SYT14: variants seen among roughly 807,000 people sequenced by gnomAD.
The protein encoded by SYT14 is synaptotagmin-14.
In SYT14, 32 loss-of-function variants were observed where a neutral mutation model predicts 74.2. That is an observed-to-expected ratio of 0.43 (90% CI 0.33 to 0.58). The LOEUF (loss-of-function observed/expected upper bound fraction) is 0.58, where lower values mean the gene tolerates loss of function less well. Among genes scored for constraint, SYT14 ranks in the 20% least tolerant of loss-of-function variants. The probability of loss-of-function intolerance (pLI) is 0.05; values close to 1 mark genes in which losing one functional copy is unlikely to be tolerated. For missense variants in SYT14, 791 were observed against 981.8 expected (o/e 0.81, Z 2.60); for synonymous variants, 298 against 337.7 (o/e 0.88, Z 1.29).
intron 7 of SYT14, among the ~76,000 whole-genome samples, chr1:210,125,405 C>T (rs2082549741): frequency 6.6e-6 from 1 of 152,152 alleles, no homozygotes; most frequent in African/African-American, 2.4e-5. Context: ...TTTTTTAGGG[C>T]TATGGTATTC....
At chr1:210,008,104 GC>G (rs2080021626) in intron 2 of SYT14, among the ~76,000 whole-genome samples, 1 of 152,128 alleles carries the variant, frequency 6.6e-6, no homozygotes, top group Non-Finnish European at 1.5e-5. Flanking sequence ...AAATATGGTT[GC>G]AGTGAGGATT....
At position 210,054,583 on chromosome 1, in the gene SYT14, A is replaced by G. The variant is rs372901405; in HGVS notation, c.1312+33329A>G. ...ATTGTCATATGTAACAGTGATACGT[A>G]GAAAAGTAGATTAGAAACTGTGTGC... On this transcript the variant is annotated intron_variant, in intron 5 of 9. Coordinates refer to ENST00000637265, the Ensembl canonical transcript of SYT14. 8.6e-4 allele frequency among the ~76,000 whole-genome samples: 131 copies of G among 152,250 alleles called. 1 individual carries two copies. The highest frequency in any genetic ancestry group is 3.0e-3 in the African/African-American group (124 of 41,540).
chr1:209,970,644 T>C (rs1343286153), intron 2 of SYT14, among the ~76,000 whole-genome samples: 1 of 149,238 alleles, frequency 6.7e-6, no homozygotes, highest in Admixed American at 6.8e-5. Context: ...AATTTACAGA[T>C]TGCTTTGGGC....
rs11119394 is a variant in SYT14, at chr1:210,021,340, A to G, written c.1312+86A>G. 0.044 allele frequency: 52,479 copies of G among 1,189,206 alleles called. 7,408 individuals carry two copies. The highest frequency in any genetic ancestry group is 0.41 in the East Asian group (16,680 of 40,332). 73.7% of individuals were successfully genotyped at this position (1,189,206 alleles called of 1,614,324 possible). ...TGAAATTCTAGGAATCTGTGGTTGC[A>G]GAATAAACAAGAGAGCACATACAGT... On this transcript the variant is annotated intron_variant, in intron 5 of 9. Transcript: ENST00000637265.
intron 2 of SYT14, among the ~76,000 whole-genome samples, chr1:210,001,282 G>A (rs1028344042): frequency 2.0e-5 from 3 of 151,534 alleles, no homozygotes; most frequent in African/African-American, 7.3e-5. Flanking sequence ...TTGCTATTGA[G>A]GTTTCTTAAT....
At chr1:210,070,201 A>T (rs886183139) in intron 5 of SYT14, among the ~76,000 whole-genome samples, 4 of 151,976 alleles carry the variant, frequency 2.6e-5, no homozygotes, top group Non-Finnish European at 5.9e-5. Flanking sequence ...ACATTTAAGG[A>T]TCTTGGGAGC....
chr1:210,156,565 G>C (rs1339833621), intron 8 of SYT14, among the ~76,000 whole-genome samples: 1 of 151,742 alleles, frequency 6.6e-6, no homozygotes, highest in Non-Finnish European at 1.5e-5. Context: ...TCTCTCTCTG[G>C]ATCTCTCTCC....
At chr1:209,974,787 A>G (rs2079326439) in intron 2 of SYT14, among the ~76,000 whole-genome samples, 2 of 152,318 alleles carry the variant, frequency 1.3e-5, no homozygotes, top group South Asian at 2.1e-4. Flanking sequence ...CATTGAATCT[A>G]TAAATTACCT....
chr1:210,001,617 T>C (rs979851033), intron 2 of SYT14, among the ~76,000 whole-genome samples: 1 of 150,922 alleles, frequency 6.6e-6, no homozygotes, highest in Non-Finnish European at 1.5e-5. Context: ...AGTAATAAAT[T>C]ATTTGGTATT....
intron 5 of SYT14, among the ~76,000 whole-genome samples, chr1:210,054,908 T>C (rs936691748): frequency 6.6e-6 from 1 of 152,210 alleles, no homozygotes; most frequent in Non-Finnish European, 1.5e-5. Context: ...TTTCCTCTTA[T>C]GCCTGATGTT....
rs1553272603 is a variant in SYT14 at position 210,059,451 on chromosome 1, TAGAGAG to T, written c.1313-34839_1313-34834del. Among the ~76,000 whole-genome samples, 394 of 69,896 alleles carry T rather than the reference TAGAGAG, an allele frequency of 5.6e-3. 2 individuals are homozygous for T. The highest frequency in any genetic ancestry group is 0.018 in the African/African-American group (225 of 12,738). 45.9% of individuals were successfully genotyped at this position (69,896 alleles called of 152,430 possible). On this transcript the variant is annotated intron_variant, in intron 5 of 9. Coordinates refer to ENST00000637265, the Ensembl canonical transcript of SYT14. The stretch of plus-strand genomic sequence containing the variant: ...GAATATATATATATATATATATATA[TAGAGAG>T]AGAGAGAGAGAGAGAGAGAGAGAGA...
intron 6 of SYT14, among the ~76,000 whole-genome samples, chr1:210,097,740 CAGAATA>C (rs1457232524): frequency 1.3e-5 from 2 of 152,140 alleles, no homozygotes; most frequent in Non-Finnish European, 2.9e-5. Flanking sequence ...AATTTTTTAA[CAGAATA>C]AGAATATGTT....
At chr1:210,142,981 A>G (rs1241237695) in intron 7 of SYT14, among the ~76,000 whole-genome samples, 1 of 152,232 alleles carries the variant, frequency 6.6e-6, no homozygotes, top group Non-Finnish European at 1.5e-5. Context: ...CTTTCAGTAG[A>G]TCAATTACTT....
chr1:210,001,875 G>A (rs965148654), intron 2 of SYT14, among the ~76,000 whole-genome samples: 1 of 152,154 alleles, frequency 6.6e-6, no homozygotes, highest in Non-Finnish European at 1.5e-5. Context: ...ACTGTGGAAT[G>A]AACTAGTAGG....
intron 5 of SYT14, among the ~76,000 whole-genome samples, chr1:210,065,271 G>T (rs1463573935): frequency 6.6e-6 from 1 of 152,066 alleles, no homozygotes; most frequent in Non-Finnish European, 1.5e-5. Flanking sequence ...CATGTCATGG[G>T]AGGAACCCAG....
chr1:210,103,432 C>T (rs972526616), intron 7 of SYT14, among the ~76,000 whole-genome samples: 2 of 151,648 alleles, frequency 1.3e-5, no homozygotes, highest in South Asian at 2.1e-4. Context: ...TGCCTGTAGT[C>T]CCAGCTACTC....
At chr1:210,046,183 C>G (rs933872965) in intron 5 of SYT14, among the ~76,000 whole-genome samples, 5 of 152,078 alleles carry the variant, frequency 3.3e-5, no homozygotes, top group African/African-American at 1.2e-4. Context: ...CCAGTCTGGC[C>G]AACATTTAGG....
chr1:210,157,840 G>T (rs1241080471), intron 8 of SYT14, among the ~76,000 whole-genome samples: 1 of 151,982 alleles, frequency 6.6e-6, no homozygotes, highest in East Asian at 1.9e-4. Context: ...CTTTCTAGTT[G>T]TCGTAAAAAT....
chr1:210,066,906 T>C (rs1212367836), intron 5 of SYT14, among the ~76,000 whole-genome samples: 1 of 152,074 alleles, frequency 6.6e-6, no homozygotes. Flanking sequence ...ACCAGTGTCA[T>C]AAAAAATTTT....
Sources: allele counts gnomAD v4.1 joint callset (sites outside exome capture counted in the v4.1 genomes callset), GRCh38; gene constraint gnomAD v4.1.1; transcripts MANE v1.5; gene names NCBI Gene and HGNC (gene_info 2026-07-23, HGNC 2026-07-21).